The following MYT1 variants were observed in gnomAD, a reference collection of about 807,000 sequenced individuals.
MYT1 encodes the protein myelin transcription factor 1.
A neutral mutation model predicts 123.0 loss-of-function variants in MYT1; 23 were observed. The ratio of observed to expected loss-of-function variants is 0.19; its 90% CI spans 0.13 to 0.26. MYT1 has a LOEUF of 0.26. MYT1 is among the 10% of genes least tolerant of loss of function. The probability of loss-of-function intolerance (pLI) is 1.00; values close to 1 mark genes in which losing one functional copy is unlikely to be tolerated. For synonymous variants in MYT1, 518 were observed against 575.3 expected, an observed-to-expected ratio of 0.90 and a Z score of 1.43; for missense variants, 1,125 against 1,472.5, an observed-to-expected ratio of 0.76 and a Z score of 3.86.
chr20:64,205,856 A>G, intron 6 of MYT1, 56 bp downstream of exon 6: 1 of 1,588,966 alleles, frequency 6.3e-7, no homozygotes, highest in Non-Finnish European at 8.6e-7. Context: ...GCCCTGGAGA[A>G]TTGCAGCCTG....
At chr20:64,205,416 G>T in intron 5 of MYT1, 137 bp from the exon 6 acceptor site, 3 of 1,371,638 alleles carry the variant, frequency 2.2e-6, no homozygotes, top group Admixed American at 2.3e-5. Context: ...TGCTTTTTTT[G>T]TCCGGGTTCC....
rs554166539 is a variant in MYT1, at chr20:64,221,416, C to T, written c.2242-477C>T. On this transcript the variant is annotated intron_variant, in intron 13 of 22. Coordinates refer to ENST00000328439, the MANE Select transcript of MYT1 (RefSeq NM_004535.3). ...CAAGGCATCGCACTGGTGGGCGTGTCGGGCCAGGTGGTTTCGAGGTTACTG... is the reference window on the plus strand; with the variant it reads ...CAAGGCATCGCACTGGTGGGCGTGTTGGGCCAGGTGGTTTCGAGGTTACTG... 3.9e-5 allele frequency among the ~76,000 whole-genome samples: 6 copies of T among 152,364 alleles called. No individual in the cohort carries two copies. In the South Asian group the frequency reaches 1.2e-3, roughly 32 times the overall value.
chr20:64,183,862 G>T (rs1335663871), intron 1 of MYT1, among the ~76,000 whole-genome samples: 3 of 151,980 alleles, frequency 2.0e-5, no homozygotes, highest in Non-Finnish European at 2.9e-5. Context: ...GCTCTGTCAC[G>T]CAGGCTAGAG....
At chr20:64,210,940 C>T (rs887568533) in intron 7 of MYT1, among the ~76,000 whole-genome samples, 3 of 152,228 alleles carry the variant, frequency 2.0e-5, no homozygotes, top group African/African-American at 7.2e-5. Context: ...CTCCAGCGGC[C>T]GTCTGGGTTG....
chr20:64,237,384 G>T lies in MYT1; in HGVS notation c.3087G>T (p.Gln1029His), dbSNP rs766756738. The T allele has an allele frequency of 1.2e-6, 2 of 1,604,134 alleles. No homozygotes were observed. The highest frequency in any genetic ancestry group is 1.7e-6 in the Non-Finnish European group (2 of 1,176,592). ...SEMEAAMVQLQSQISSMEKNL... is the reference protein window; with the variant it reads ...SEMEAAMVQLHSQISSMEKNL... ...TGGAGGCTGCCATGGTGCAGCTGCA[G>T]TCCCAGGTAGGTGGTGCCGCCCCCC... Residue 1029 changes from glutamine to histidine, a missense_variant, in exon 21 of 23, where the codon CAG becomes CAT. Gln to His is a conservative substitution (Grantham distance 24, BLOSUM62 0). Transcript: ENST00000328439.
intron 1 of MYT1, among the ~76,000 whole-genome samples, chr20:64,171,963 G>C (rs1982297612): frequency 6.6e-6 from 1 of 152,176 alleles, no homozygotes; most frequent in Non-Finnish European, 1.5e-5. Context: ...TCTTCCTGGA[G>C]AGCCCTCTGA....
rs1983703782 is a variant in MYT1 at position 64,212,315 on chromosome 20, G to T, written c.1517+177G>T. Among the ~76,000 whole-genome samples the T allele has an allele frequency of 6.6e-6, 1 of 152,126 alleles. No individual in the cohort carries two copies. Among genetic ancestry groups the T allele is most frequent in the Non-Finnish European group, 1.5e-5 (1 of 67,998 alleles). The stretch of plus-strand genomic sequence containing the variant: ...GGTTGGGCCTGTGTGTCCCTGCCTG[G>T]GCCGTGAGCCCGTGACCTGGGACGG... On this transcript the variant is annotated intron_variant, in intron 9 of 22. Coordinates refer to ENST00000328439, the MANE Select transcript of MYT1 (RefSeq NM_004535.3). The surrounding 1 kb of genome is among the most constrained non-coding windows in gnomAD (Gnocchi z 6.8).
intron 4 of MYT1, among the ~76,000 whole-genome samples, chr20:64,204,590 G>A (rs1466840280): frequency 6.7e-6 from 1 of 149,722 alleles, no homozygotes. Context: ...CAGCTGGCAG[G>A]GAATGCAGAG....
At chr20:64,225,598 C>T (rs1984147896) in intron 16 of MYT1, among the ~76,000 whole-genome samples, 3 of 152,126 alleles carry the variant, frequency 2.0e-5, no homozygotes, top group Admixed American at 1.3e-4. Flanking sequence ...AGAGGTGAGA[C>T]CTGGTGTGTA....
chr20:64,164,809 A>T (rs1310030766), intron 1 of MYT1, 70 bp downstream of exon 1: 1 of 152,170 alleles, frequency 6.6e-6, no homozygotes, highest in Admixed American at 6.5e-5. Context: ...TTGGACAGAG[A>T]CAGGGAGAGG....
chr20:64,190,588 T>C lies in MYT1; in HGVS notation c.-1+428T>C, dbSNP rs112317124. ...ATTTGGGGGAGGATCCCAGCTAAGG[T>C]GGGAGGATCACTTGAGCCTGGGAAG... On this transcript the variant is annotated intron_variant, in intron 2 of 22. Transcript: ENST00000328439. This position sits in a 1 kb window ranked among gnomAD's most constrained non-coding sequence, Gnocchi z 4.1. 0.022 allele frequency among the ~76,000 whole-genome samples: 3,076 copies of C among 142,196 alleles called. No individual in the cohort carries two copies. Among genetic ancestry groups the C allele is most frequent in the South Asian group, 0.074 (328 of 4,444 alleles). The allele number at this position is 142,196 out of a possible 152,430, so 93.3% of individuals were successfully genotyped here.
rs913671610 is a variant in MYT1 at position 64,189,076 on chromosome 20, G to A, written c.-98-987G>A. Among the ~76,000 whole-genome samples, 31 of 152,342 alleles carry A rather than the reference G, an allele frequency of 2.0e-4. No homozygotes were observed. The highest frequency in any genetic ancestry group is 7.2e-4 in the African/African-American group (30 of 41,578). On this transcript the variant is annotated intron_variant, in intron 1 of 22. Transcript: ENST00000328439. This position sits in a 1 kb window ranked among gnomAD's most constrained non-coding sequence, Gnocchi z 5.5. ...ATAAGAAGAGGGTGCTGTGGCCAGA[G>A]GCACAGGGCTGCCTGGGGCCAGGAG...
intron 16 of MYT1, among the ~76,000 whole-genome samples, chr20:64,223,956 C>T (rs1462139592): frequency 6.6e-6 from 1 of 152,180 alleles, no homozygotes; most frequent in Admixed American, 6.5e-5. Flanking sequence ...AACACATGGG[C>T]AGGGCAGGCC....
At position 64,192,544 on chromosome 20, in the gene MYT1, ACCGTCACAGCCTGCGGCGTG is replaced by A. The variant is rs1237881946; in HGVS notation, c.-1+2387_-1+2406del. On this transcript the variant is annotated intron_variant, in intron 2 of 22. Transcript: ENST00000328439. This position sits in a 1 kb window ranked among gnomAD's most constrained non-coding sequence, Gnocchi z 5.3. The stretch of plus-strand genomic sequence containing the variant: ...TGAACACACAAACCCTGTGCATGGG[ACCGTCACAGCCTGCGGCGTG>A]CCTCTGAGTTCAGCACCAGGCATGT... Among the ~76,000 whole-genome samples the A allele has an allele frequency of 6.6e-6, 1 of 152,188 alleles. No individual in the cohort carries two copies. Among genetic ancestry groups the A allele is most frequent in the Non-Finnish European group, 1.5e-5 (1 of 68,042 alleles).
chr20:64,235,822 A>C (rs112575391), intron 19 of MYT1, among the ~76,000 whole-genome samples: 1,111 of 18,312 alleles, frequency 0.061, 48 homozygotes, highest in Middle Eastern at 0.19. Context: ...GGTGGGTGAC[A>C]CTGGGCTGGC....
intron 8 of MYT1, among the ~76,000 whole-genome samples, chr20:64,211,720 G>C (rs1423392164): frequency 6.6e-6 from 1 of 152,234 alleles, no homozygotes; most frequent in Non-Finnish European, 1.5e-5. Context: ...GTTTAGGCTA[G>C]AAGCAGTAAT....
intron 13 of MYT1, among the ~76,000 whole-genome samples, chr20:64,220,321 G>A (rs963005469): frequency 6.6e-6 from 1 of 152,322 alleles, no homozygotes; most frequent in Admixed American, 6.5e-5. Flanking sequence ...CCCAGGAGTT[G>A]ATTGGGGAAA....
intron 1 of MYT1, among the ~76,000 whole-genome samples, chr20:64,181,961 G>C (rs898847713): frequency 4.6e-5 from 7 of 152,166 alleles, no homozygotes; most frequent in African/African-American, 1.4e-4. Context: ...GGCTCTTTGG[G>C]ACTAGAGGGA....
At chr20:64,197,778 C>A (rs1310136189) in intron 2 of MYT1, among the ~76,000 whole-genome samples, 1 of 152,226 alleles carries the variant, frequency 6.6e-6, no homozygotes, top group Non-Finnish European at 1.5e-5. Context: ...TGATTGTCAC[C>A]CTCCTGGGGG....
Sources: allele counts gnomAD v4.1 joint callset (sites outside exome capture counted in the v4.1 genomes callset), GRCh38; gene constraint gnomAD v4.1.1; non-coding constraint Gnocchi (gnomAD v3.1); transcripts MANE v1.5; gene names NCBI Gene and HGNC (gene_info 2026-07-23, HGNC 2026-07-21).